PDE4D: variants seen among roughly 807,000 people sequenced by gnomAD.
The protein encoded by PDE4D is phosphodiesterase 4D.
PDE4D carries 24 observed loss-of-function variants against 87.4 expected under a neutral mutation model. That is an observed-to-expected ratio of 0.27 (90% confidence interval 0.20 to 0.39). The LOEUF is 0.39. PDE4D is among the 10% of genes least tolerant of loss of function. The pLI, the probability that PDE4D is intolerant of heterozygous loss-of-function variation, is 1.00. For missense variants in PDE4D, 714 were observed against 1,041.0 expected (o/e 0.69, Z 4.32); for synonymous variants, 384 against 383.2 (o/e 1.00, Z -0.02).
intron 1 of PDE4D, among the ~76,000 whole-genome samples, chr5:59,825,400 CTTG>C (rs1770204384): frequency 6.6e-6 from 1 of 152,124 alleles, no homozygotes; most frequent in South Asian, 2.1e-4. Context: ...CCATGTCTGC[CTTG>C]TTGGTGGTGG....
intron 1 of PDE4D, among the ~76,000 whole-genome samples, chr5:59,533,173 T>C (rs1421264549): frequency 2.0e-5 from 3 of 152,234 alleles, no homozygotes; most frequent in Non-Finnish European, 2.9e-5. Context: ...ACTTGTAGAA[T>C]TATTTTGCTG....
intron 1 of PDE4D, among the ~76,000 whole-genome samples, chr5:60,369,210 AG>A (rs540354816): frequency 6.6e-6 from 1 of 151,558 alleles, no homozygotes; most frequent in Non-Finnish European, 1.5e-5. Flanking sequence ...CCAGCCTGAC[AG>A]CACAGATGTT....
intron 1 of PDE4D, among the ~76,000 whole-genome samples, chr5:59,435,485 C>T (rs1394391971): frequency 6.6e-6 from 1 of 152,140 alleles, no homozygotes; most frequent in East Asian, 1.9e-4. Context: ...TCTCTTTCTT[C>T]TCTGGCTGGC....
intron 4 of PDE4D, among the ~76,000 whole-genome samples, chr5:59,181,082 G>A (rs1371826397): frequency 6.6e-6 from 1 of 152,088 alleles, no homozygotes; most frequent in African/African-American, 2.4e-5. Flanking sequence ...TGAATGATTT[G>A]TTGTAAACTA....
intron 1 of PDE4D, among the ~76,000 whole-genome samples, chr5:59,563,532 C>T (rs1424408725): frequency 6.6e-6 from 1 of 152,204 alleles, no homozygotes; most frequent in Non-Finnish European, 1.5e-5. Context: ...TGAGTGGTCA[C>T]TATGTACCAG....
chr5:59,640,575 T>C (rs529364906), intron 1 of PDE4D, among the ~76,000 whole-genome samples: 1 of 152,340 alleles, frequency 6.6e-6, no homozygotes, highest in African/African-American at 2.4e-5. Context: ...GTCCCCACTG[T>C]GGAGACAGAG....
intron 1 of PDE4D, among the ~76,000 whole-genome samples, chr5:59,250,721 A>T (rs536851789): frequency 6.6e-6 from 1 of 152,296 alleles, no homozygotes; most frequent in East Asian, 1.9e-4. Flanking sequence ...CCGAATAGCC[A>T]AGGCAATTCT....
intron 5 of PDE4D, among the ~76,000 whole-genome samples, chr5:59,129,420 A>G (rs1775957619): frequency 6.6e-6 from 1 of 152,150 alleles, no homozygotes; most frequent in East Asian, 1.9e-4. Context: ...GTTTTTAAAA[A>G]GTGATGATGG....
At chr5:59,268,609 T>C (rs1017241080) in intron 1 of PDE4D, among the ~76,000 whole-genome samples, 5 of 152,062 alleles carry the variant, frequency 3.3e-5, no homozygotes, top group African/African-American at 9.7e-5. Flanking sequence ...TTTGAGATAT[T>C]GGATCACCTC....
At chr5:59,206,843 A>G (rs950179518) in intron 2 of PDE4D, among the ~76,000 whole-genome samples, 1 of 152,154 alleles carries the variant, frequency 6.6e-6, no homozygotes, top group Non-Finnish European at 1.5e-5. Context: ...ATAGAAGTCA[A>G]CTTTCTTCTT....
At chr5:59,432,929 T>C (rs1232138571) in intron 1 of PDE4D, among the ~76,000 whole-genome samples, 4 of 152,114 alleles carry the variant, frequency 2.6e-5, no homozygotes, top group Non-Finnish European at 5.9e-5. Context: ...TACTCTTCAG[T>C]ATATTTTTCT....
chr5:59,770,700 T>C (rs541549951), intron 1 of PDE4D, among the ~76,000 whole-genome samples: 2 of 152,176 alleles, frequency 1.3e-5, no homozygotes, highest in South Asian at 4.2e-4. Flanking sequence ...TGAGAAAAAC[T>C]AATATGTATT....
At chr5:59,029,416 C>CAAAAAAAAAA (rs34120574) in intron 6 of PDE4D, among the ~76,000 whole-genome samples, 1 of 87,030 alleles carries the variant, frequency 1.1e-5, no homozygotes, top group Non-Finnish European at 2.0e-5. Flanking sequence ...GACTCCATCA[C>CAAAAAAAAAA]AAAAAAAAAA....
intron 1 of PDE4D, among the ~76,000 whole-genome samples, chr5:60,266,787 C>T (rs1348328119): frequency 6.6e-6 from 1 of 152,150 alleles, no homozygotes; most frequent in African/African-American, 2.4e-5. Flanking sequence ...TCAGGGCTAT[C>T]GGTGAAGTGG....
intron 1 of PDE4D, among the ~76,000 whole-genome samples, chr5:59,855,028 C>A (rs970546818): frequency 1.3e-5 from 2 of 152,028 alleles, no homozygotes; most frequent in Non-Finnish European, 2.9e-5. Context: ...CAGAGCCTGG[C>A]AAATTTGAGT....
At chr5:60,456,818 G>A (rs968580193) in intron 1 of PDE4D, among the ~76,000 whole-genome samples, 14 of 152,070 alleles carry the variant, frequency 9.2e-5, no homozygotes, top group Non-Finnish European at 1.9e-4. Context: ...TGACACGCCC[G>A]AGTTATCCTC....
intron 5 of PDE4D, among the ~76,000 whole-genome samples, chr5:59,120,168 C>T (rs1774249929): frequency 6.6e-6 from 1 of 152,172 alleles, no homozygotes; most frequent in Non-Finnish European, 1.5e-5. Flanking sequence ...TCCACAGAGA[C>T]TGATGGTTAA....
chr5:59,540,927 A>G (rs1262536849), intron 1 of PDE4D, among the ~76,000 whole-genome samples: 1 of 152,088 alleles, frequency 6.6e-6, no homozygotes, highest in African/African-American at 2.4e-5. Context: ...TGGTGGTAGG[A>G]TTATTTTTAT....
intron 3 of PDE4D, among the ~76,000 whole-genome samples, chr5:59,928,526 C>T (rs1197771460): frequency 6.6e-6 from 1 of 151,772 alleles, no homozygotes; most frequent in Non-Finnish European, 1.5e-5. Flanking sequence ...CGCAGTGAGC[C>T]GAGATTGTGC....
Sources: allele counts gnomAD v4.1 joint callset (sites outside exome capture counted in the v4.1 genomes callset), GRCh38; gene constraint gnomAD v4.1.1; transcripts MANE v1.5; gene names NCBI Gene and HGNC (gene_info 2026-07-23, HGNC 2026-07-21).